SP7: variants seen among roughly 807,000 people sequenced by gnomAD.
SP7 encodes the protein Sp7 transcription factor.
SP7 carries 13 observed loss-of-function variants against 27.9 expected under a neutral mutation model. The ratio of observed to expected loss-of-function variants is 0.47; its 90% CI spans 0.30 to 0.74. SP7 has a LOEUF of 0.74. Among genes scored for constraint, SP7 ranks in the 30% least tolerant of loss-of-function variants. The probability of loss-of-function intolerance (pLI) is 0.06; values close to 1 mark genes in which losing one functional copy is unlikely to be tolerated. For synonymous variants in SP7, 219 were observed against 226.7 expected, an observed-to-expected ratio of 0.97 and a Z score of 0.31; for missense variants, 525 against 558.0, an observed-to-expected ratio of 0.94 and a Z score of 0.60.
chr12:53,338,249 G>A (rs1944791244), upstream of SP7, among the ~76,000 whole-genome samples: 1 of 152,182 alleles, frequency 6.6e-6, no homozygotes, highest in African/African-American at 2.4e-5. Flanking sequence ...AAGTGCCCGT[G>A]GTGGGGTGTC....
At chr12:53,332,232 A>C (rs1944713690) in intron 2 of SP7, among the ~76,000 whole-genome samples, 1 of 152,208 alleles carries the variant, frequency 6.6e-6, no homozygotes, top group South Asian at 2.1e-4. Flanking sequence ...GGACCTGCAT[A>C]GGGTAAGGGA....
chr12:53,341,249 T>C (rs1944820345), upstream of SP7, among the ~76,000 whole-genome samples: 1 of 152,188 alleles, frequency 6.6e-6, no homozygotes, highest in Non-Finnish European at 1.5e-5. Flanking sequence ...CTGGCTCCCC[T>C]CTTCCCTGAG....
chr12:53,342,260 TA>T (rs879718339), intron 1 of SP7, among the ~76,000 whole-genome samples: 314 of 145,672 alleles, frequency 2.2e-3, no homozygotes, highest in Non-Finnish European at 2.1e-3. Flanking sequence ...AGACTCCATT[TA>T]AAAAAAAAAA....
rs1384351321 is a variant in SP7 at position 53,328,406 on chromosome 12, G to A, written c.1036C>T (p.Arg346Cys). Residue 346 changes from arginine to cysteine, a missense_variant, in exon 3 of 3, where the codon CGC becomes TGC. Arg to Cys is a radical substitution (Grantham distance 180). Transcript: ENST00000536324. The surrounding 1 kb of genome is among the most constrained non-coding windows in gnomAD (Gnocchi z 5.1). Reference protein sequence around the residue: ...TRSDELERHVRTHTREKKFTC... With the variant: ...TRSDELERHVCTHTREKKFTC... ...AACTTCTTCTCCCGGGTGTGAGTGC[G>A]CACATGACGCTCCAGCTCATCCGAA... 2.5e-6 allele frequency: 4 copies of A among 1,613,804 alleles called. No individual in the cohort carries two copies. The highest frequency in any genetic ancestry group is 2.5e-6 in the Non-Finnish European group (3 of 1,179,858).
At chr12:53,333,591 C>G (rs1320393089) in intron 2 of SP7, among the ~76,000 whole-genome samples, 1 of 152,184 alleles carries the variant, frequency 6.6e-6, no homozygotes, top group Non-Finnish European at 1.5e-5. Context: ...TCAACTTTCT[C>G]AGCCTTCTCC....
In SP7 at chr12:53,328,711, C is replaced by T; in HGVS notation, c.731G>A (p.Gly244Asp). Reference sequence around the variant, plus strand: ...TGCACCCCGTGGGGGTTTGGCTCCACCACTCCCTTCTAGCTGCCCACTATT... The same window carrying T: ...TGCACCCCGTGGGGGTTTGGCTCCATCACTCCCTTCTAGCTGCCCACTATT... Reference protein sequence around the residue: ...VGNSGQLEGSGGAKPPRGAST... With the variant: ...VGNSGQLEGSDGAKPPRGAST... Residue 244 changes from glycine (G) to aspartate (D), a missense_variant, in exon 3 of 3, where the codon GGT (glycine) becomes GAT (aspartate). By Grantham distance (94) the Gly-to-Asp change is moderately conservative. Transcript: ENST00000536324. The surrounding 1 kb of genome is among the most constrained non-coding windows in gnomAD (Gnocchi z 5.1). The T allele has an allele frequency of 6.2e-7, 1 of 1,606,024 alleles. No homozygotes were observed. The highest frequency in any genetic ancestry group is 8.5e-7 in the Non-Finnish European group (1 of 1,174,244).
chr12:53,333,211 C>T (rs1944726072), intron 2 of SP7, among the ~76,000 whole-genome samples: 1 of 152,194 alleles, frequency 6.6e-6, no homozygotes, highest in Non-Finnish European at 1.5e-5. Context: ...CTCCTGAGAA[C>T]TTGGGGAAAG....
At chr12:53,335,869 G>C in intron 1 of SP7, 176 bp from the exon 2 acceptor site, 7 of 1,375,102 alleles carry the variant, frequency 5.1e-6, no homozygotes, top group Non-Finnish European at 6.6e-6. Flanking sequence ...GATCCAATGA[G>C]GAGGGCGAGA....
rs991201561 is a variant in SP7, at chr12:53,326,694, G to T, written c.*1452C>A. ...AGCGGCTTTAACCCTTTAACTTGGGGCCTTGAGACAGCAGGGGACAGAAAA... is the reference window on the plus strand; with the variant it reads ...AGCGGCTTTAACCCTTTAACTTGGGTCCTTGAGACAGCAGGGGACAGAAAA... On this transcript the variant is annotated 3_prime_UTR_variant, in exon 3 of 3. Coordinates refer to ENST00000536324, the MANE Select transcript of SP7 (RefSeq NM_001173467.3). The T allele has an allele frequency of 6.6e-6, 1 of 152,476 alleles. No homozygotes were observed. The highest frequency in any genetic ancestry group is 1.5e-5 in the Non-Finnish European group (1 of 68,040). 9.4% of individuals were successfully genotyped at this position (152,476 alleles called of 1,614,324 possible).
chr12:53,339,305 C>A (rs546993530), upstream of SP7, among the ~76,000 whole-genome samples: 1 of 152,182 alleles, frequency 6.6e-6, no homozygotes, highest in African/African-American at 2.4e-5. Flanking sequence ...TCCCTTCCCA[C>A]CCTCCCCTAG....
At position 53,328,997 on chromosome 12, in the gene SP7, G is replaced by A. The variant is rs1418404997; in HGVS notation, c.445C>T (p.Pro149Ser). 6.2e-7 allele frequency: 1 copy of A among 1,613,328 alleles called. No homozygotes were observed. The highest frequency in any genetic ancestry group is 1.3e-5 in the African/African-American group (1 of 74,890). The change falls in exon 3 of 3, where the codon CCA (proline) becomes TCA (serine). Residue 149 changes from proline to serine, a missense_variant. Transcript: ENST00000536324. The surrounding 1 kb of genome is among the most constrained non-coding windows in gnomAD (Gnocchi z 5.1). Reference sequence around the variant, plus strand: ...GGAGTAGGAGTGTTGCCTGGGCCTGGTGAAATGCCTGCATGGATGCCTGCC... The same window carrying A: ...GGAGTAGGAGTGTTGCCTGGGCCTGATGAAATGCCTGCATGGATGCCTGCC... ...YKAGIHAGIS[P>S]GPGNTPTPWW...
chr12:53,331,315 T>G (rs1407077002), intron 2 of SP7, among the ~76,000 whole-genome samples: 4 of 151,272 alleles, frequency 2.6e-5, no homozygotes, highest in African/African-American at 7.3e-5. Flanking sequence ...ACTAAAAATA[T>G]AAAAAAATTA....
Position 53,344,590 on chromosome 12 carries a change from C to T in SP7, c.-34+524G>A, listed in dbSNP as rs1944847727. On this transcript the variant is annotated intron_variant, in intron 1 of 1. Transcript: ENST00000547755. The surrounding 1 kb of genome is among the most constrained non-coding windows in gnomAD (Gnocchi z 4.6). ...GCTGTTCAATGCCCCCATCCACCCC[C>T]ACCTCGCGTGGACGTGTGAGGCAAG... Among the ~76,000 whole-genome samples, 1 of 152,192 alleles carries T rather than the reference C, an allele frequency of 6.6e-6. No homozygotes were observed. Among genetic ancestry groups the T allele is most frequent in the African/African-American group, 2.4e-5 (1 of 41,442 alleles).
At chr12:53,335,868 A>G in intron 1 of SP7, 175 bp from the exon 2 acceptor site, 1 of 1,373,660 alleles carries the variant, frequency 7.3e-7, no homozygotes, top group Non-Finnish European at 9.4e-7. Flanking sequence ...AGATCCAATG[A>G]GGAGGGCGAG....
intron 2 of SP7, 39 bp from the exon 3 acceptor site, chr12:53,329,459 G>A: frequency 6.3e-7 from 1 of 1,584,606 alleles, no homozygotes; most frequent in Non-Finnish European, 8.6e-7. Flanking sequence ...GAGAGGGGAG[G>A]AGAGGTACAA....
At chr12:53,334,927 G>C (rs568840483) in intron 2 of SP7, among the ~76,000 whole-genome samples, 1 of 152,354 alleles carries the variant, frequency 6.6e-6, no homozygotes, top group South Asian at 2.1e-4. Context: ...CCAAAATAGA[G>C]CTGAGTTTGT....
In SP7 at chr12:53,328,157, G is replaced by C. The variant is rs908725289; in HGVS notation, c.1285C>G (p.Leu429Val). Residue 429 changes from leucine (L) to valine (V), a missense_variant, in exon 3 of 3, where the codon CTG (leucine) becomes GTG (valine). Leu to Val is a conservative substitution (Grantham distance 32). Coordinates refer to ENST00000536324, the MANE Select transcript of SP7 (RefSeq NM_001173467.3). This position sits in a 1 kb window ranked among gnomAD's most constrained non-coding sequence, Gnocchi z 5.1. ...PGGSPEQSNL[L>V]EI ...ACCTTCCACCCGGCTCAGATCTCCA[G>C]CAAGTTGCTCTGCTCAGGGCTGCCT... is the stretch of plus-strand genomic sequence containing the variant. The C allele has an allele frequency of 2.2e-5, 36 of 1,611,012 alleles. No homozygotes were observed. Among genetic ancestry groups the C allele is most frequent in the Non-Finnish European group, 3.1e-5 (36 of 1,179,086 alleles).
At chr12:53,334,523 CT>C (rs906321504) in intron 2 of SP7, among the ~76,000 whole-genome samples, 2 of 152,160 alleles carry the variant, frequency 1.3e-5, no homozygotes, top group African/African-American at 4.8e-5. Flanking sequence ...CCCAGCACCC[CT>C]GGGCCTGAGC....
At chr12:53,329,739 C>CT (rs373308687) in intron 2 of SP7, among the ~76,000 whole-genome samples, 92 of 150,924 alleles carry the variant, frequency 6.1e-4, no homozygotes, top group African/African-American at 1.8e-3. Flanking sequence ...GGTTCTTTTT[C>CT]TTTTTTTTTG....
Sources: gnomAD v4.1 joint callset for allele counts (sites outside exome capture counted in the v4.1 genomes callset) on GRCh38, gnomAD v4.1.1 for gene constraint, Gnocchi (gnomAD v3.1) non-coding constraint, MANE v1.5 for transcripts, NCBI Gene and HGNC (gene_info 2026-07-23, HGNC 2026-07-21) for gene names.